The following TENM3 variants were observed in gnomAD, a reference collection of about 807,000 sequenced individuals.
TENM3 encodes the protein teneurin-3.
In TENM3, 63 loss-of-function variants were observed where a neutral mutation model predicts 255.1. The ratio of observed to expected loss-of-function variants is 0.25; its 90% CI spans 0.20 to 0.30. The LOEUF is 0.30. TENM3 is among the 10% of genes least tolerant of loss of function. The pLI is 1.00. For synonymous variants in TENM3, 1,306 were observed against 1,322.3 expected (o/e 0.99, Z 0.27); for missense variants, 2,929 against 3,461.1 (o/e 0.85, Z 3.86).
intron 19 of TENM3, among the ~76,000 whole-genome samples, chr4:182,748,891 A>G (rs11132149): frequency 0.35 from 53,025 of 152,110 alleles, 10,440 homozygotes; most frequent in East Asian, 0.73. Context: ...AGCCATTGAC[A>G]TTTGTTGCTT....
At chr4:182,334,212 T>C (rs1763957710) in intron 2 of TENM3, among the ~76,000 whole-genome samples, 1 of 152,170 alleles carries the variant, frequency 6.6e-6, no homozygotes, top group Non-Finnish European at 1.5e-5. Context: ...TAAAATTCTT[T>C]GGAATAAATT....
At chr4:182,444,543 T>C (rs1256875479) in intron 3 of TENM3, among the ~76,000 whole-genome samples, 2 of 152,196 alleles carry the variant, frequency 1.3e-5, no homozygotes, top group African/African-American at 4.8e-5. Context: ...TGTTTAGGAA[T>C]GTTTGTTAGC....
At chr4:182,111,769 AT>A in the TENM3 span, among the ~76,000 whole-genome samples, 1 of 152,246 alleles carries the variant, frequency 6.6e-6, no homozygotes, top group South Asian at 2.1e-4. Flanking sequence ...AGGCTGGAGG[AT>A]CCAAGCTCTG....
chr4:182,390,195 T>C (rs1353409441), intron 3 of TENM3, among the ~76,000 whole-genome samples: 2 of 152,170 alleles, frequency 1.3e-5, no homozygotes, highest in African/African-American at 4.8e-5. Context: ...TTCTTCTTTT[T>C]GAGATTTACA....
intron 4 of TENM3, among the ~76,000 whole-genome samples, chr4:182,607,606 C>CTTTAGGTATTATTTAAGGTATTTAAG (rs1405488567): frequency 1.3e-4 from 20 of 152,224 alleles, no homozygotes; most frequent in African/African-American, 4.6e-4. Flanking sequence ...AGGTATTGAA[C>CTTTAGGTATTATTTAAGGTATTTAAG]GCTTTAGAGT....
intron 3 of TENM3, among the ~76,000 whole-genome samples, chr4:182,581,335 C>T (rs1351268363): frequency 6.6e-6 from 1 of 152,170 alleles, no homozygotes; most frequent in South Asian, 2.1e-4. Flanking sequence ...TTTAATAATG[C>T]TGTCTCAAAT....
At chr4:181,830,669 G>A in the TENM3 span, among the ~76,000 whole-genome samples, 1 of 152,078 alleles carries the variant, frequency 6.6e-6, no homozygotes, top group Non-Finnish European at 1.5e-5. Flanking sequence ...CAAAGATTGG[G>A]TTATATTATG....
the TENM3 span, among the ~76,000 whole-genome samples, chr4:181,934,772 AATT>A: frequency 1.3e-5 from 2 of 152,182 alleles, no homozygotes; most frequent in African/African-American, 2.4e-5. Context: ...TGTTTTCAAA[AATT>A]ATTAAGATCC....
chr4:181,562,222 GT>G, the TENM3 span, among the ~76,000 whole-genome samples: 16 of 149,834 alleles, frequency 1.1e-4, no homozygotes, highest in East Asian at 1.6e-3. Context: ...TATCTATTAC[GT>G]TTTTTTTTAC....
chr4:181,689,262 A>T, the TENM3 span, among the ~76,000 whole-genome samples: 2 of 152,228 alleles, frequency 1.3e-5, no homozygotes, highest in East Asian at 3.8e-4. Context: ...ACTCATCTGA[A>T]AATTGGAATG....
chr4:181,878,877 C>T, the TENM3 span, among the ~76,000 whole-genome samples: 1 of 152,078 alleles, frequency 6.6e-6, no homozygotes, highest in Non-Finnish European at 1.5e-5. Flanking sequence ...CTATCTACCT[C>T]TCTATCTATC....
At chr4:181,514,033 C>T in the TENM3 span, among the ~76,000 whole-genome samples, 1 of 151,926 alleles carries the variant, frequency 6.6e-6, no homozygotes, top group East Asian at 1.9e-4. Flanking sequence ...AAAGAAATAC[C>T]ACAAGCACAA....
rs868164844 is a variant in TENM3, at chr4:182,773,702, G to A, written c.5068+55G>A. The A allele has an allele frequency of 2.4e-5, 36 of 1,502,350 alleles. No individual in the cohort carries two copies. The Middle Eastern group carries it at 5.2e-4, about 22-fold the overall frequency. 93.1% of individuals were successfully genotyped at this position (1,502,350 alleles called of 1,614,324 possible). On this transcript the variant is annotated intron_variant, in intron 23 of 27. Coordinates refer to ENST00000511685, the MANE Select transcript of TENM3 (RefSeq NM_001080477.4). ...TACCACCAGCACCCAGACAGAATGC[G>A]GCAACACCCACTTTCCAAGGTGAAC...
the TENM3 span, among the ~76,000 whole-genome samples, chr4:181,817,194 G>C: frequency 6.6e-6 from 1 of 152,100 alleles, no homozygotes; most frequent in Non-Finnish European, 1.5e-5. Context: ...ATTGAATATT[G>C]AGCACCTTCT....
chr4:182,790,425 G>A (rs1233346625), intron 25 of TENM3, among the ~76,000 whole-genome samples: 1 of 152,200 alleles, frequency 6.6e-6, no homozygotes, highest in Non-Finnish European at 1.5e-5. Flanking sequence ...GAATGGCTCA[G>A]TCTAAACCTA....
At chr4:181,799,971 C>T in the TENM3 span, among the ~76,000 whole-genome samples, 2 of 152,108 alleles carry the variant, frequency 1.3e-5, no homozygotes, top group African/African-American at 2.4e-5. Context: ...AACTGGAAAG[C>T]GGTTGCCCAG....
chr4:182,585,838 C>T (rs994588457), intron 3 of TENM3, among the ~76,000 whole-genome samples: 1 of 152,198 alleles, frequency 6.6e-6, no homozygotes, highest in Non-Finnish European at 1.5e-5. Context: ...CCATGAAAGA[C>T]TATCTTAGTT....
chr4:181,762,918 T>TAA, the TENM3 span, among the ~76,000 whole-genome samples: 2,360 of 149,976 alleles, frequency 0.016, 26 homozygotes, highest in South Asian at 0.051. Flanking sequence ...ACAGTGGTAG[T>TAA]AAAAAAAAAA....
intron 3 of TENM3, among the ~76,000 whole-genome samples, chr4:182,560,310 G>A (rs1004884669): frequency 2.0e-4 from 31 of 152,250 alleles, no homozygotes; most frequent in African/African-American, 7.2e-4. Context: ...GAATAATAAT[G>A]TGTGTTTTAC....
Sources: gnomAD v4.1 joint callset for allele counts (sites outside exome capture counted in the v4.1 genomes callset) on GRCh38, gnomAD v4.1.1 for gene constraint, MANE v1.5 for transcripts, NCBI Gene and HGNC (gene_info 2026-07-23, HGNC 2026-07-21) for gene names.